Variants in RABGAP1 observed in about 807,000 individuals in gnomAD.
RABGAP1 encodes rab GTPase-activating protein 1.
A neutral mutation model predicts 137.6 loss-of-function variants in RABGAP1; 23 were observed. The observed-to-expected ratio is 0.17, with a 90% confidence interval of 0.12 to 0.24. The LOEUF (loss-of-function observed/expected upper bound fraction) is 0.24. Ranked by LOEUF, RABGAP1 falls within the 10% of genes least tolerant of loss-of-function variation. The pLI is 1.00. For synonymous variants in RABGAP1, 451 were observed against 450.7 expected, an observed-to-expected ratio of 1.00 and a Z score of -0.01; for missense variants, 906 against 1,275.8, an observed-to-expected ratio of 0.71 and a Z score of 4.42.
Position 123,019,473 on chromosome 9 carries a change from G to A in RABGAP1, c.1644-836G>A, listed in dbSNP as rs79926928. Among the ~76,000 whole-genome samples the A allele has an allele frequency of 2.6e-4, 40 of 151,696 alleles. No homozygotes were observed. In the East Asian group the frequency reaches 7.2e-3, roughly 27 times the overall value. ...AAGTAGCTAGGAATATAACCATCAT[G>A]CCAGCTTATTTTTATTTTTCTGTAG... is the stretch of plus-strand genomic sequence containing the variant. On this transcript the variant is annotated intron_variant, in intron 12 of 25. Coordinates refer to ENST00000373647, the MANE Select transcript of RABGAP1 (RefSeq NM_012197.4).
chr9:123,101,041 A>G (rs2035330368), intron 24 of RABGAP1, among the ~76,000 whole-genome samples: 2 of 152,204 alleles, frequency 1.3e-5, no homozygotes, highest in Non-Finnish European at 1.5e-5. Context: ...CTTACAGTTA[A>G]TGGCATCTTA....
intron 13 of RABGAP1, among the ~76,000 whole-genome samples, chr9:123,060,992 TTC>T (rs1279956795): frequency 6.6e-6 from 1 of 152,216 alleles, no homozygotes. Flanking sequence ...AACAAAAATC[TTC>T]TCTCTGGTCA....
intron 6 of RABGAP1, among the ~76,000 whole-genome samples, chr9:122,994,215 A>G (rs1284160109): frequency 6.6e-6 from 1 of 152,194 alleles, no homozygotes; most frequent in Non-Finnish European, 1.5e-5. Flanking sequence ...CCTGACATTC[A>G]GTGAGGTGAA....
At chr9:123,004,931 C>T (rs1564125605) in intron 10 of RABGAP1, among the ~76,000 whole-genome samples, 1 of 151,906 alleles carries the variant, frequency 6.6e-6, no homozygotes, top group Non-Finnish European at 1.5e-5. Flanking sequence ...TGGTGCACAT[C>T]CGTAATCCCA....
intron 13 of RABGAP1, among the ~76,000 whole-genome samples, chr9:123,021,510 A>G (rs1446996697): frequency 1.3e-5 from 2 of 152,042 alleles, no homozygotes; most frequent in Non-Finnish European, 2.9e-5. Flanking sequence ...AGTAGAGAGT[A>G]GGGTTTCTCC....
intron 2 of RABGAP1, among the ~76,000 whole-genome samples, chr9:122,973,503 G>A (rs916710059): frequency 2.6e-5 from 4 of 151,958 alleles, no homozygotes; most frequent in African/African-American, 9.7e-5. Context: ...AAAGTGCTGG[G>A]ATTATAGGCA....
At chr9:123,027,161 G>C (rs1421096706) in intron 13 of RABGAP1, among the ~76,000 whole-genome samples, 1 of 148,450 alleles carries the variant, frequency 6.7e-6, no homozygotes, top group Non-Finnish European at 1.5e-5. Context: ...TCTGTTGCCA[G>C]GCTGGAGTGC....
At chr9:123,029,854 A>G (rs1018766561) in intron 13 of RABGAP1, 11 of 360,314 alleles carry the variant, frequency 3.1e-5, no homozygotes, top group South Asian at 1.8e-4. Flanking sequence ...AGTTGACACT[A>G]ATGCCCAGAG....
chr9:123,103,403 T>TAACA lies in RABGAP1; in HGVS notation c.*191_*194dup. 1.3e-6 allele frequency: 1 copy of TAACA among 776,280 alleles called. No homozygotes were observed. Among genetic ancestry groups the TAACA allele is most frequent in the South Asian group, 1.9e-5 (1 of 53,628 alleles). The allele number at this position is 776,280 out of a possible 1,614,324, so 48.1% of individuals were successfully genotyped here. On this transcript the variant is annotated 3_prime_UTR_variant, in exon 26 of 26. Coordinates refer to ENST00000373647, the MANE Select transcript of RABGAP1 (RefSeq NM_012197.4). ...ACCTCTGGGGTAAGACTACTGATAC[T>TAACA]AACAGGCCTGCTAGCTCAGCCGACG...
At chr9:123,098,227 T>C (rs1325486383) in intron 22 of RABGAP1, among the ~76,000 whole-genome samples, 1 of 152,190 alleles carries the variant, frequency 6.6e-6, no homozygotes, top group African/African-American at 2.4e-5. Flanking sequence ...TGCTCCATAG[T>C]CATTGGAGAC....
rs562039672 is a variant in RABGAP1 at position 123,084,220 on chromosome 9, A to G, written c.2425-5538A>G. On this transcript the variant is annotated intron_variant, in intron 19 of 25. Coordinates refer to ENST00000373647, the MANE Select transcript of RABGAP1 (RefSeq NM_012197.4). ...ATAGTAGATATGTAGGCATCTTGTT[A>G]TCCTGAAAGTCCTGAGTAAATCTCA... Among the ~76,000 whole-genome samples the G allele has an allele frequency of 2.8e-4, 43 of 152,358 alleles. No individual in the cohort carries two copies. The East Asian group carries it at 3.1e-3, about 11-fold the overall frequency.
Position 122,957,048 on chromosome 9 carries a change from C to T in RABGAP1, c.-12C>T, listed in dbSNP as rs978508430. 2 of 1,487,128 alleles carry T rather than the reference C, an allele frequency of 1.3e-6. No homozygotes were observed. Among genetic ancestry groups the T allele is most frequent in the African/African-American group, 1.4e-5 (1 of 72,998 alleles). The allele number at this position is 1,487,128 out of a possible 1,614,324, so 92.1% of individuals were successfully genotyped here. A position where few individuals can be genotyped will look rare whatever the true frequency, so the allele number is the denominator to read the frequency against. ...ATTTAATCATTCATGTGTTGAGACT[C>T]ATTCTTGAGTTATGGATGACAAGGC... On this transcript the variant is annotated 5_prime_UTR_variant, in exon 2 of 26. Coordinates refer to ENST00000373647, the MANE Select transcript of RABGAP1 (RefSeq NM_012197.4).
chr9:122,943,986 A>G (rs899226247), intron 1 of RABGAP1, among the ~76,000 whole-genome samples: 12 of 152,274 alleles, frequency 7.9e-5, no homozygotes, highest in South Asian at 6.2e-4. Flanking sequence ...TTTATTCAGT[A>G]TATTTCCAGC....
chr9:122,981,083 G>T (rs1186843718), intron 2 of RABGAP1, among the ~76,000 whole-genome samples: 1 of 152,046 alleles, frequency 6.6e-6, no homozygotes, highest in Non-Finnish European at 1.5e-5. Flanking sequence ...TGTCACCCAG[G>T]CTGGAGTGCA....
chr9:122,995,917 T>C lies in RABGAP1; in HGVS notation c.924-124T>C. 3 of 1,437,850 alleles carry C rather than the reference T, an allele frequency of 2.1e-6. No homozygotes were observed. In the South Asian group the frequency reaches 4.8e-5, roughly 23 times the overall value. The allele number at this position is 1,437,850 out of a possible 1,614,324, so 89.1% of individuals were successfully genotyped here. Reference sequence around the variant, plus strand: ...AGGCATAGAATGATTTTTTTCTTTTTTGTTATTATTTGCAAACTAGGCACA... The same window carrying C: ...AGGCATAGAATGATTTTTTTCTTTTCTGTTATTATTTGCAAACTAGGCACA... On this transcript the variant is annotated intron_variant, in intron 6 of 25. Coordinates refer to ENST00000373647, the MANE Select transcript of RABGAP1 (RefSeq NM_012197.4).
the RABGAP1 span, among the ~76,000 whole-genome samples, chr9:122,934,819 C>T: frequency 6.6e-6 from 1 of 152,048 alleles, no homozygotes; most frequent in Non-Finnish European, 1.5e-5. Flanking sequence ...TAGCTGGGAC[C>T]ACAGGCATGC....
At chr9:123,017,808 A>T (rs560337237) in intron 12 of RABGAP1, among the ~76,000 whole-genome samples, 1 of 152,360 alleles carries the variant, frequency 6.6e-6, no homozygotes, top group Non-Finnish European at 1.5e-5. Context: ...CAACTCTAAC[A>T]ACCTTATAAA....
At chr9:123,077,921 A>G (rs1393493067) in intron 19 of RABGAP1, among the ~76,000 whole-genome samples, 1 of 152,184 alleles carries the variant, frequency 6.6e-6, no homozygotes, top group Non-Finnish European at 1.5e-5. Context: ...TAAATAAAAT[A>G]TACCCCAAGA....
the RABGAP1 span, among the ~76,000 whole-genome samples, chr9:122,935,564 C>G: frequency 6.6e-6 from 1 of 152,152 alleles, no homozygotes; most frequent in Non-Finnish European, 1.5e-5. Flanking sequence ...TGGTCTCAAA[C>G]TTCTGACCTC....
Sources: allele counts gnomAD v4.1 joint callset (sites outside exome capture counted in the v4.1 genomes callset), GRCh38; gene constraint gnomAD v4.1.1; transcripts MANE v1.5; gene names NCBI Gene and HGNC (gene_info 2026-07-23, HGNC 2026-07-21).